ZNF827: variants seen among roughly 807,000 people sequenced by gnomAD.
ZNF827 encodes zinc finger protein 827.
ZNF827 carries 13 observed loss-of-function variants against 102.4 expected under a neutral mutation model. The observed-to-expected ratio is 0.13, with a 90% CI of 0.08 to 0.20. ZNF827 has a LOEUF of 0.20. Among genes scored for constraint, ZNF827 ranks in the 10% least tolerant of loss-of-function variants. The pLI is 1.00. For synonymous variants in ZNF827, 523 were observed against 536.2 expected, an observed-to-expected ratio of 0.98 and a Z score of 0.34; for missense variants, 1,103 against 1,344.4, an observed-to-expected ratio of 0.82 and a Z score of 2.81.
At chr4:145,885,610 CAGAGAGAGAG>C (rs200461563) in intron 4 of ZNF827, 58 bp downstream of exon 4, 82,998 of 1,165,970 alleles carry the variant, frequency 0.071, 687 homozygotes, top group South Asian at 0.14. Context: ...TAGACAGAGA[CAGAGAGAGAG>C]AGAGAGAGAG....
chr4:145,886,447 T>C (rs1490481777), intron 3 of ZNF827, among the ~76,000 whole-genome samples: 7 of 152,196 alleles, frequency 4.6e-5, no homozygotes, highest in Non-Finnish European at 1.0e-4. Flanking sequence ...CTGATCTCAG[T>C]TGATGTCTTC....
intron 7 of ZNF827, 133 bp downstream of exon 7, chr4:145,845,823 G>T: frequency 1.2e-6 from 1 of 813,730 alleles, no homozygotes; most frequent in Non-Finnish European, 2.0e-6. Flanking sequence ...AATTCTGGTA[G>T]AACATGGTGG....
chr4:145,793,454 G>C (rs915675253), intron 8 of ZNF827, among the ~76,000 whole-genome samples: 1 of 150,824 alleles, frequency 6.6e-6, no homozygotes, highest in Non-Finnish European at 1.5e-5. Flanking sequence ...GAAGAACCTG[G>C]AGTCTGATGT....
At chr4:145,798,280 T>C (rs188629757) in intron 8 of ZNF827, among the ~76,000 whole-genome samples, 7 of 152,310 alleles carry the variant, frequency 4.6e-5, no homozygotes, top group Admixed American at 4.6e-4. Context: ...AAGTATGAAA[T>C]GACCTAAGAA....
intron 9 of ZNF827, among the ~76,000 whole-genome samples, chr4:145,776,499 G>C (rs1737121401): frequency 6.6e-6 from 1 of 150,790 alleles, no homozygotes; most frequent in African/African-American, 2.4e-5. Flanking sequence ...AGGGCAACTA[G>C]AATAGATAAC....
chr4:145,784,968 C>A (rs958664331), intron 8 of ZNF827, among the ~76,000 whole-genome samples: 5 of 152,194 alleles, frequency 3.3e-5, no homozygotes, highest in Non-Finnish European at 7.3e-5. Context: ...AAATTCCTGG[C>A]TACTCGGTAT....
At chr4:145,882,382 C>T (rs979197457) in intron 4 of ZNF827, among the ~76,000 whole-genome samples, 1 of 152,170 alleles carries the variant, frequency 6.6e-6, no homozygotes, top group African/African-American at 2.4e-5. Context: ...GCCTGGAAGC[C>T]TCCGTTTTGC....
intron 4 of ZNF827, among the ~76,000 whole-genome samples, chr4:145,875,342 C>T (rs1749067794): frequency 6.6e-6 from 1 of 152,166 alleles, no homozygotes; most frequent in African/African-American, 2.4e-5. Flanking sequence ...AATCACAGAT[C>T]TAATTCACAG....
chr4:145,886,197 A>G, intron 3 of ZNF827, 39 bp from the exon 4 acceptor site: 1 of 1,542,600 alleles, frequency 6.5e-7, no homozygotes, highest in Non-Finnish European at 8.7e-7. Flanking sequence ...GCCACCGTGC[A>G]TTTATGGAAA....
At chr4:145,875,200 A>G (rs542432601) in intron 4 of ZNF827, among the ~76,000 whole-genome samples, 31 of 152,352 alleles carry the variant, frequency 2.0e-4, no homozygotes, top group Admixed American at 8.5e-4. Flanking sequence ...TTAACAACGT[A>G]TACAACTAGC....
intron 7 of ZNF827, among the ~76,000 whole-genome samples, chr4:145,827,007 A>C (rs948004763): frequency 6.6e-6 from 1 of 152,300 alleles, no homozygotes; most frequent in African/African-American, 2.4e-5. Context: ...TCGGCCTCCC[A>C]AAGTGCTGGG....
chr4:145,916,322 A>T (rs1309071522), intron 1 of ZNF827, among the ~76,000 whole-genome samples: 1 of 152,204 alleles, frequency 6.6e-6, no homozygotes, highest in Non-Finnish European at 1.5e-5. Context: ...ACATGAACAT[A>T]GCCAAGATTT....
At chr4:145,887,978 C>T (rs771304692) in intron 3 of ZNF827, among the ~76,000 whole-genome samples, 5 of 152,154 alleles carry the variant, frequency 3.3e-5, no homozygotes, top group Non-Finnish European at 7.3e-5. Context: ...ACAGAAGCTC[C>T]GGAAGCAGCT....
At chr4:145,914,402 G>T (rs554770923) in intron 1 of ZNF827, among the ~76,000 whole-genome samples, 3 of 152,276 alleles carry the variant, frequency 2.0e-5, no homozygotes, top group Admixed American at 1.3e-4. Context: ...TTTTTTATCA[G>T]TTATGCACAA....
In ZNF827 at chr4:145,758,104, T is replaced by C. The variant is rs189569367; in HGVS notation, c.*3512A>G. The C allele has an allele frequency of 1.3e-5, 2 of 152,356 alleles. No homozygotes were observed. The highest frequency in any genetic ancestry group is 1.3e-4 in the Admixed American group (2 of 15,306). The allele number at this position is 152,356 out of a possible 1,614,324, so 9.4% of individuals were successfully genotyped here. Reference sequence around the variant, plus strand: ...GAAAAATGCTGTAGATTTTTTTCTTTATTAATAACAATAATAATATAAAAA... The same window carrying C: ...GAAAAATGCTGTAGATTTTTTTCTTCATTAATAACAATAATAATATAAAAA... On this transcript the variant is annotated 3_prime_UTR_variant, in exon 15 of 15. Coordinates refer to ENST00000508784, the MANE Select transcript of ZNF827 (RefSeq NM_001306215.2).
intron 13 of ZNF827, 88 bp downstream of exon 13, chr4:145,764,899 CA>C: frequency 6.3e-7 from 1 of 1,595,982 alleles, no homozygotes; most frequent in Non-Finnish European, 8.6e-7. Flanking sequence ...CCATGACTCC[CA>C]AAACCTTCAC....
chr4:145,865,933 T>C (rs1339904154), intron 5 of ZNF827, among the ~76,000 whole-genome samples: 1 of 152,194 alleles, frequency 6.6e-6, no homozygotes, highest in Non-Finnish European at 1.5e-5. Flanking sequence ...GATAAAGACA[T>C]TTCTGTCTGG....
intron 8 of ZNF827, among the ~76,000 whole-genome samples, chr4:145,818,551 C>T (rs1742821883): frequency 6.6e-6 from 1 of 152,082 alleles, no homozygotes; most frequent in Admixed American, 6.6e-5. Flanking sequence ...ACACTAACAT[C>T]CAATGTTCTA....
chr4:145,843,259 A>T (rs1745601470), intron 7 of ZNF827, among the ~76,000 whole-genome samples: 1 of 151,798 alleles, frequency 6.6e-6, no homozygotes, highest in Admixed American at 6.5e-5. Flanking sequence ...ACTTTGTAGA[A>T]CTATAAGCCA....
Sources: gnomAD v4.1 joint callset for allele counts (sites outside exome capture counted in the v4.1 genomes callset) on GRCh38, gnomAD v4.1.1 for gene constraint, MANE v1.5 for transcripts, NCBI Gene and HGNC (gene_info 2026-07-23, HGNC 2026-07-21) for gene names.